Variants in UTRN observed in about 807,000 individuals in gnomAD.
UTRN encodes the protein dystrophin-related protein 1.
Under a neutral mutation model 463.9 loss-of-function variants are expected in UTRN, and 283 were observed. The observed-to-expected ratio is 0.61, with a 90% CI of 0.55 to 0.67. The LOEUF (loss-of-function observed/expected upper bound fraction) is 0.67. Among genes scored for constraint, UTRN ranks in the 30% least tolerant of loss-of-function variants. The pLI, the probability that UTRN is intolerant of heterozygous loss-of-function variation, is 0.00. For missense variants in UTRN, 3,922 were observed against 4,084.3 expected (o/e 0.96, Z 1.08); for synonymous variants, 1,442 against 1,431.5 (o/e 1.01, Z -0.17).
chr6:144,453,747 T>C (rs747938459), intron 18 of UTRN, 35 bp from the exon 19 acceptor site: 6 of 1,575,562 alleles, frequency 3.8e-6, no homozygotes, highest in Non-Finnish European at 5.2e-6. Context: ...GAGAAGAAAG[T>C]TTGCAATATT....
chr6:144,487,751 G>A lies in UTRN; in HGVS notation c.3972+54G>A, dbSNP rs10428720. 4.7e-6 allele frequency: 7 copies of A among 1,502,338 alleles called. No homozygotes were observed. The East Asian group carries it at 1.6e-4, about 35-fold the overall frequency. The allele number at this position is 1,502,338 out of a possible 1,614,324, so 93.1% of individuals were successfully genotyped here. On this transcript the variant is annotated intron_variant, in intron 29 of 74. Transcript: ENST00000367545. ...ATTAGGTATTGATGAAGTGGAGCTG[G>A]CCCTAAGCTCCATATCATAGAGCTT... is the stretch of plus-strand genomic sequence containing the variant.
chr6:144,359,531 G>C (rs143855224), intron 2 of UTRN, among the ~76,000 whole-genome samples: 1 of 152,158 alleles, frequency 6.6e-6, no homozygotes, highest in Non-Finnish European at 1.5e-5. Flanking sequence ...ACTGTAACAC[G>C]TTTAACGTCA....
chr6:144,776,899 G>A lies in UTRN; in HGVS notation c.8632+2535G>A, dbSNP rs961375463. 5.3e-5 allele frequency among the ~76,000 whole-genome samples: 8 copies of A among 152,144 alleles called. No individual in the cohort carries two copies. The East Asian group carries it at 5.8e-4, about 11-fold the overall frequency. On this transcript the variant is annotated intron_variant, in intron 60 of 74. Coordinates refer to ENST00000367545, the MANE Select transcript of UTRN (RefSeq NM_007124.3). ...TCCCTTGGCTGGGACACTCATTCCT[G>A]TAGGTCTCAATGTTGTCGATCACCT...
At position 144,809,638 on chromosome 6, in the gene UTRN, G is replaced by A. The variant is rs550077754; in HGVS notation, c.9357+6491G>A. 5.3e-5 allele frequency among the ~76,000 whole-genome samples: 8 copies of A among 152,170 alleles called. No homozygotes were observed. In the South Asian group the frequency reaches 1.7e-3, roughly 32 times the overall value. ...AAGTTATGATGAGGCCTGGGGTATG[G>A]CCATACCCCAATGTGTGACTGAAGT... is the stretch of plus-strand genomic sequence containing the variant. On this transcript the variant is annotated intron_variant, in intron 65 of 74. Transcript: ENST00000367545.
At chr6:144,833,729 A>G (rs1780867177) in intron 69 of UTRN, among the ~76,000 whole-genome samples, 1 of 152,198 alleles carries the variant, frequency 6.6e-6, no homozygotes, top group Non-Finnish European at 1.5e-5. Context: ...GCCTCCAGGC[A>G]TCGCTGACTT....
intron 52 of UTRN, among the ~76,000 whole-genome samples, chr6:144,683,940 G>T (rs1260430431): frequency 6.6e-6 from 1 of 151,978 alleles, no homozygotes; most frequent in Non-Finnish European, 1.5e-5. Context: ...CATCTCCTTA[G>T]AAGTGAATGC....
chr6:144,446,755 G>A (rs927663477), intron 14 of UTRN, among the ~76,000 whole-genome samples: 1 of 152,214 alleles, frequency 6.6e-6, no homozygotes, highest in African/African-American at 2.4e-5. Flanking sequence ...TGGTTTTGGG[G>A]TGTGGACCCT....
intron 2 of UTRN, among the ~76,000 whole-genome samples, chr6:144,308,355 G>C (rs958071004): frequency 9.2e-5 from 14 of 152,036 alleles, no homozygotes; most frequent in Admixed American, 7.9e-4. Context: ...CCATTTTTTC[G>C]GTACTAGCAT....
intron 66 of UTRN, among the ~76,000 whole-genome samples, chr6:144,824,575 TATATATA>T (rs1779935593): frequency 4.7e-5 from 1 of 21,172 alleles, no homozygotes; most frequent in South Asian, 2.6e-3. Flanking sequence ...ATTTTATTTA[TATATATA>T]TATATATATA....
intron 58 of UTRN, among the ~76,000 whole-genome samples, chr6:144,762,322 C>A (rs541176315): frequency 6.6e-6 from 1 of 152,152 alleles, no homozygotes; most frequent in South Asian, 2.1e-4. Context: ...GTTTTTAGTC[C>A]CATGGAAACT....
At chr6:144,700,028 T>A in intron 52 of UTRN, 59 bp from the exon 53 acceptor site, 1 of 1,490,434 alleles carries the variant, frequency 6.7e-7, no homozygotes, top group Non-Finnish European at 9.0e-7. Flanking sequence ...TAGATAATTT[T>A]GTGAATGTAA....
intron 24 of UTRN, 47 bp downstream of exon 24, chr6:144,473,880 C>T (rs758063979): frequency 1.4e-6 from 2 of 1,385,718 alleles, no homozygotes; most frequent in South Asian, 1.2e-5. Context: ...ACATTTTGTT[C>T]TTTTTCTATG....
At chr6:144,394,865 A>G (rs1782259967) in intron 2 of UTRN, among the ~76,000 whole-genome samples, 1 of 152,194 alleles carries the variant, frequency 6.6e-6, no homozygotes, top group Admixed American at 6.5e-5. Context: ...TTATTTGAAT[A>G]ATTAGCAGTC....
intron 2 of UTRN, among the ~76,000 whole-genome samples, chr6:144,386,236 C>T (rs1002704131): frequency 6.6e-5 from 10 of 151,810 alleles, no homozygotes; most frequent in Non-Finnish European, 1.3e-4. Flanking sequence ...TGTAGGCGGG[C>T]GGACTGCTTG....
chr6:144,630,666 C>T (rs1776413223), intron 51 of UTRN, among the ~76,000 whole-genome samples: 1 of 151,860 alleles, frequency 6.6e-6, no homozygotes, highest in African/African-American at 2.4e-5. Context: ...CATCCTGATA[C>T]AAAACAGGTC....
At chr6:144,459,751 T>C (rs531673896) in intron 21 of UTRN, among the ~76,000 whole-genome samples, 152 of 152,222 alleles carry the variant, frequency 1.0e-3, no homozygotes, top group Middle Eastern at 3.4e-3. Context: ...CCACCATGCC[T>C]GGCTGGTTTT....
chr6:144,590,387 C>T (rs141503835), intron 51 of UTRN, among the ~76,000 whole-genome samples: 32 of 152,072 alleles, frequency 2.1e-4, no homozygotes, highest in Non-Finnish European at 1.2e-4. Flanking sequence ...ACAGTACAAA[C>T]GTTAAATTAT....
In UTRN at chr6:144,693,004, GT is replaced by G. The variant is rs779297278; in HGVS notation, c.7653-7072del. Among the ~76,000 whole-genome samples the G allele has an allele frequency of 1.1e-3, 156 of 143,568 alleles. 2 individuals carry two copies. The highest frequency in any genetic ancestry group is 2.4e-3 in the African/African-American group (94 of 39,366). 94.2% of individuals were successfully genotyped at this position (143,568 alleles called of 152,430 possible). ...GGTATTGCCTCAGTTGTCTTTCAGGGTTTTTTTTTTTATAGTTTTGGGTTTT... is the reference window on the plus strand; with the variant it reads ...GGTATTGCCTCAGTTGTCTTTCAGGGTTTTTTTTTTATAGTTTTGGGTTTT... On this transcript the variant is annotated intron_variant, in intron 52 of 74. Coordinates refer to ENST00000367545, the MANE Select transcript of UTRN (RefSeq NM_007124.3).
At chr6:144,415,455 T>C (rs984271388) in intron 3 of UTRN, among the ~76,000 whole-genome samples, 1 of 152,234 alleles carries the variant, frequency 6.6e-6, no homozygotes, top group Admixed American at 6.5e-5. Flanking sequence ...TTTCACTCTT[T>C]TAAGAAATCC....
Sources: gnomAD v4.1 joint callset for allele counts (sites outside exome capture counted in the v4.1 genomes callset) on GRCh38, gnomAD v4.1.1 for gene constraint, MANE v1.5 for transcripts, NCBI Gene and HGNC (gene_info 2026-07-23, HGNC 2026-07-21) for gene names.